Variants in PZP observed in about 807,000 individuals in gnomAD.
PZP encodes PZP alpha-2-macroglobulin like.
In PZP, 150 loss-of-function variants were observed where a neutral mutation model predicts 179.8. That is an observed-to-expected ratio of 0.83 (90% CI 0.73 to 0.96). The LOEUF (loss-of-function observed/expected upper bound fraction) is 0.96, where lower values mean the gene tolerates loss of function less well. Ranked by LOEUF, PZP falls within the 40% of genes least tolerant of loss-of-function variation. The pLI, the probability that PZP is intolerant of heterozygous loss-of-function variation, is 0.00. For synonymous variants in PZP, 624 were observed against 652.3 expected (o/e 0.96, Z 0.66); for missense variants, 1,689 against 1,764.0 (o/e 0.96, Z 0.76).
At chr12:9,176,761 CT>C (rs1942392981) in intron 15 of PZP, among the ~76,000 whole-genome samples, 1 of 152,156 alleles carries the variant, frequency 6.6e-6, no homozygotes, top group African/African-American at 2.4e-5. Context: ...CTTGTTTCCC[CT>C]TTTTTGAACA....
intron 26 of PZP, 38 bp downstream of exon 26, chr12:9,158,382 G>A (rs1940916651): frequency 6.2e-7 from 1 of 1,609,410 alleles, no homozygotes; most frequent in Non-Finnish European, 8.5e-7. Flanking sequence ...ATGTTATGTT[G>A]ATGTGTGTCA....
At chr12:9,140,029 T>C in the PZP span, among the ~76,000 whole-genome samples, 1 of 152,082 alleles carries the variant, frequency 6.6e-6, no homozygotes, top group Non-Finnish European at 1.5e-5. Flanking sequence ...GGAGAGGAGG[T>C]TATCTTGGGA....
At chr12:9,180,117 T>C (rs2120947443) in intron 15 of PZP, among the ~76,000 whole-genome samples, 1 of 152,312 alleles carries the variant, frequency 6.6e-6, no homozygotes, top group Middle Eastern at 3.4e-3. Context: ...TTACTCTCAA[T>C]AGAGGCTTAT....
At chr12:9,174,127 C>A (rs1298848409) in intron 15 of PZP, among the ~76,000 whole-genome samples, 5 of 152,176 alleles carry the variant, frequency 3.3e-5, no homozygotes, top group Non-Finnish European at 5.9e-5. Context: ...AGCTTATCCA[C>A]CACAACCAAG....
Position 9,152,886 on chromosome 12 carries a change from A to C in PZP, c.4059T>G (p.Thr1353=). The part of the protein sequence containing the change: ...EDSPFALKVQ[T]VPQTCDGHKA... ...TGTGTCCATCGCAAGTTTGGGGCACAGTCTGCACTTTTAAAGCAAATGGGG... is the reference window on the plus strand; with the variant it reads ...TGTGTCCATCGCAAGTTTGGGGCACCGTCTGCACTTTTAAAGCAAATGGGG... Residue 1353 remains threonine, a synonymous_variant, in exon 31 of 36, where the codon ACT becomes ACG. Coordinates refer to ENST00000261336, the MANE Select transcript of PZP (RefSeq NM_002864.3). 1 of 1,614,190 alleles carries C rather than the reference A, an allele frequency of 6.2e-7. No homozygotes were observed. The highest frequency in any genetic ancestry group is 2.2e-5 in the East Asian group (1 of 44,882).
chr12:9,201,237 T>A, intron 5 of PZP, 90 bp downstream of exon 5: 3 of 1,333,778 alleles, frequency 2.2e-6, no homozygotes, highest in Non-Finnish European at 3.2e-6. Flanking sequence ...TGAAAATTTT[T>A]AAAGTAGTTC....
At chr12:9,174,142 C>T (rs1415401394) in intron 15 of PZP, among the ~76,000 whole-genome samples, 1 of 152,196 alleles carries the variant, frequency 6.6e-6, no homozygotes, top group Non-Finnish European at 1.5e-5. Context: ...ACCAAGTAGG[C>T]TTCATCCCTG....
intron 13 of PZP, among the ~76,000 whole-genome samples, chr12:9,189,276 G>A (rs1296712071): frequency 2.6e-5 from 4 of 152,178 alleles, no homozygotes; most frequent in Admixed American, 6.5e-5. Context: ...TACCAAAACA[G>A]CATAGTACTT....
At chr12:9,186,658 A>C (rs1301617210) in intron 13 of PZP, among the ~76,000 whole-genome samples, 1 of 152,140 alleles carries the variant, frequency 6.6e-6, no homozygotes, top group Non-Finnish European at 1.5e-5. Flanking sequence ...ACACCATGGA[A>C]TACTATGCAG....
Position 9,169,697 on chromosome 12 carries a change from G to T in PZP, c.1840-106C>A, listed in dbSNP as rs185358509. 3.2e-4 allele frequency: 335 copies of T among 1,051,388 alleles called. No homozygotes were observed. The African/African-American group carries it at 4.8e-3, about 15-fold the overall frequency. 65.1% of individuals were successfully genotyped at this position (1,051,388 alleles called of 1,614,324 possible). On this transcript the variant is annotated intron_variant, in intron 15 of 35. Transcript: ENST00000261336. ...TTATCACCAATCTTTTCTTGAGTAC[G>T]TTCATGTAGTTGGTACCTTAGAGAT...
At position 9,200,995 on chromosome 12, in the gene PZP, C is replaced by T; in HGVS notation, c.567G>A (p.Leu189=). 6.2e-7 allele frequency: 1 copy of T among 1,614,096 alleles called. No homozygotes were observed. Among genetic ancestry groups the T allele is most frequent in the South Asian group, 1.1e-5 (1 of 91,070 alleles). ...SLKLEAGINQ[L]SFPLSSEPIQ... ...TGGGCTCTGATGAGAGGGGAAAGGA[C>T]AACTGATTGATGCCAGCTTCTAGCT... The change falls in exon 6 of 36, where the codon TTG becomes TTA. Residue 189 remains leucine, a synonymous_variant. Coordinates refer to ENST00000261336, the MANE Select transcript of PZP (RefSeq NM_002864.3).
chr12:9,202,728 T>C, intron 2 of PZP, 44 bp from the exon 3 acceptor site: 1 of 1,564,854 alleles, frequency 6.4e-7, no homozygotes. Flanking sequence ...CTGTGCAGTC[T>C]TCTCCCTCTG....
intron 25 of PZP, among the ~76,000 whole-genome samples, chr12:9,159,019 GC>G (rs772087372): frequency 7.4e-4 from 112 of 151,926 alleles, no homozygotes; most frequent in African/African-American, 2.6e-3. Context: ...CCATCATCCT[GC>G]CCTTCCACTT....
At chr12:9,194,035 A>G in intron 11 of PZP, 42 bp downstream of exon 11, 3 of 1,558,254 alleles carry the variant, frequency 1.9e-6, no homozygotes, top group Non-Finnish European at 2.6e-6. Context: ...CACTGTTCCT[A>G]ACATTTCCTT....
downstream of PZP, among the ~76,000 whole-genome samples, chr12:9,147,109 A>G (rs555858074): frequency 6.6e-6 from 1 of 152,178 alleles, no homozygotes; most frequent in East Asian, 1.9e-4. Context: ...GGGTATCTAC[A>G]GAAAAGTTAG....
chr12:9,173,857 G>T (rs1234659247), intron 15 of PZP, among the ~76,000 whole-genome samples: 1 of 152,036 alleles, frequency 6.6e-6, no homozygotes, highest in African/African-American at 2.4e-5. Flanking sequence ...ACCAAAAAAA[G>T]CCCAGGACCA....
At chr12:9,173,318 A>G (rs1210924152) in intron 15 of PZP, among the ~76,000 whole-genome samples, 1 of 152,228 alleles carries the variant, frequency 6.6e-6, no homozygotes, top group Non-Finnish European at 1.5e-5. Context: ...GGATGCAGCT[A>G]AAACAGTGTT....
At chr12:9,162,519 A>G (rs561263490) in intron 22 of PZP, 78 bp downstream of exon 22, 119 of 975,184 alleles carry the variant, frequency 1.2e-4, no homozygotes, top group Non-Finnish European at 1.8e-4. Flanking sequence ...GGGAGATAAA[A>G]TGAATGTGCA....
chr12:9,140,802 T>C, the PZP span, among the ~76,000 whole-genome samples: 11 of 152,200 alleles, frequency 7.2e-5, no homozygotes, highest in African/African-American at 2.2e-4. Flanking sequence ...GTACAGGGAC[T>C]GTGCACATAA....
Sources: gnomAD v4.1 joint callset for allele counts (sites outside exome capture counted in the v4.1 genomes callset) on GRCh38, gnomAD v4.1.1 for gene constraint, MANE v1.5 for transcripts, NCBI Gene and HGNC (gene_info 2026-07-23, HGNC 2026-07-21) for gene names.